Variants in ELP4 observed in about 807,000 individuals in gnomAD.
The protein encoded by ELP4 is elongator acetyltransferase complex subunit 4, also known as elongator complex protein 4.
ELP4 carries 51 observed loss-of-function variants against 48.9 expected under a neutral mutation model. That is an observed-to-expected ratio of 1.04 (90% CI 0.83 to 1.32). The LOEUF is 1.32. Ranked by LOEUF, ELP4 falls within the 40% of genes most tolerant of loss-of-function variation. The pLI, the probability that ELP4 is intolerant of heterozygous loss-of-function variation, is 0.00. For missense variants in ELP4, 519 were observed against 514.6 expected (o/e 1.01, Z -0.08); for synonymous variants, 210 against 189.2 (o/e 1.11, Z -0.90).
intron 9 of ELP4, among the ~76,000 whole-genome samples, chr11:31,783,012 A>G (rs1948414106): frequency 6.6e-6 from 1 of 152,230 alleles, no homozygotes; most frequent in African/African-American, 2.4e-5. Context: ...CTGGCAAAAT[A>G]AAACAAAGCC....
rs564185860 is a variant in ELP4 at position 31,741,362 on chromosome 11, C to T, written c.1144-42031C>T. 2.2e-3 allele frequency among the ~76,000 whole-genome samples: 342 copies of T among 152,312 alleles called. 3 individuals carry two copies. The highest frequency in any genetic ancestry group is 7.4e-3 in the African/African-American group (307 of 41,566). ...AAAAGACAGCAGTAACCTCTGCAGA[C>T]GTAAATGTCCCTGTCTGACAGCTTT... On this transcript the variant is annotated intron_variant, in intron 9 of 9. Coordinates refer to ENST00000640961, the MANE Select transcript of ELP4 (RefSeq NM_019040.5).
At chr11:31,565,064 CCATTCTAA>C (rs1957086529) in intron 3 of ELP4, among the ~76,000 whole-genome samples, 1 of 152,182 alleles carries the variant, frequency 6.6e-6, no homozygotes. Flanking sequence ...TTAATGATCA[CCATTCTAA>C]CTGGTGTGAG....
intron 9 of ELP4, among the ~76,000 whole-genome samples, chr11:31,771,988 A>C (rs899576481): frequency 7.9e-5 from 12 of 152,120 alleles, no homozygotes; most frequent in Non-Finnish European, 1.8e-4. Context: ...TCTCTAAAAA[A>C]AAAAATTAGG....
Position 31,789,628 on chromosome 11 carries a change from G to A in ELP4, c.*6104G>A, listed in dbSNP as rs1188985014. 1 of 689,514 alleles carries A rather than the reference G, an allele frequency of 1.5e-6. No homozygotes were observed. The highest frequency in any genetic ancestry group is 2.7e-5 in the East Asian group (1 of 37,126). The allele number at this position is 689,514 out of a possible 1,614,324, so 42.7% of individuals were successfully genotyped here. On this transcript the variant is annotated 3_prime_UTR_variant, in exon 10 of 10. Coordinates refer to ENST00000640961, the MANE Select transcript of ELP4 (RefSeq NM_019040.5). ...CCAACACAGATCAAACATCCATCCA[G>A]TCTACATTGTTCTTTTTTTCATTAT...
At chr11:31,753,206 A>G (rs1257263938) in intron 9 of ELP4, among the ~76,000 whole-genome samples, 1 of 152,260 alleles carries the variant, frequency 6.6e-6, no homozygotes, top group African/African-American at 2.4e-5. Flanking sequence ...AGAGATCTGC[A>G]TTAGCTTTCC....
intron 9 of ELP4, among the ~76,000 whole-genome samples, chr11:31,678,533 GTGTGTGTGTA>G (rs761323241): frequency 0.062 from 6,167 of 99,012 alleles, 175 homozygotes; most frequent in African/African-American, 0.15. Context: ...GTGTGTGTGT[GTGTGTGTGTA>G]TATGTGCATT....
chr11:31,709,182 T>C (rs1234889501), intron 9 of ELP4, among the ~76,000 whole-genome samples: 16 of 152,162 alleles, frequency 1.1e-4, no homozygotes, highest in Admixed American at 1.0e-3. Context: ...GTATGAGGTT[T>C]ACCCAAAACC....
rs1033923433 is a variant in ELP4, at chr11:31,784,959, A to G, written c.*1435A>G. ...CGCTATTTCATTAGTACTAAAAATC[A>G]GGTTTCTTATTCTATTTTTTTAGAA... On this transcript the variant is annotated 3_prime_UTR_variant, in exon 10 of 10. Coordinates refer to ENST00000640961, the MANE Select transcript of ELP4 (RefSeq NM_019040.5). 4 of 180,434 alleles carry G rather than the reference A, an allele frequency of 2.2e-5. No individual in the cohort carries two copies. Among genetic ancestry groups the G allele is most frequent in the South Asian group, 4.0e-4 (2 of 5,056 alleles). 11.2% of individuals were successfully genotyped at this position (180,434 alleles called of 1,614,324 possible). A position where few individuals can be genotyped will look rare whatever the true frequency, so the allele number is the denominator to read the frequency against.
intron 3 of ELP4, among the ~76,000 whole-genome samples, chr11:31,589,738 G>A (rs1957537703): frequency 6.6e-6 from 1 of 152,118 alleles, no homozygotes; most frequent in African/African-American, 2.4e-5. Flanking sequence ...GTCTCCATCA[G>A]TTTTGACCTT....
At chr11:31,703,805 A>G (rs765268641) in intron 9 of ELP4, among the ~76,000 whole-genome samples, 4 of 152,216 alleles carry the variant, frequency 2.6e-5, no homozygotes, top group Non-Finnish European at 5.9e-5. Context: ...TTTATCTTCT[A>G]GTTAATATGC....
intron 9 of ELP4, chr11:31,681,961 G>A (rs763148551): frequency 2.6e-5 from 19 of 725,906 alleles, no homozygotes; most frequent in Middle Eastern, 3.0e-4. Flanking sequence ...GGCTGGTCTC[G>A]AACTCCTGAC....
intron 9 of ELP4, among the ~76,000 whole-genome samples, chr11:31,754,267 C>T (rs553347393): frequency 6.6e-6 from 1 of 152,230 alleles, no homozygotes; most frequent in South Asian, 2.1e-4. Context: ...GCTACTCCCC[C>T]GCTCAGAACA....
intron 3 of ELP4, among the ~76,000 whole-genome samples, chr11:31,541,967 A>G (rs1956598185): frequency 6.6e-6 from 1 of 152,056 alleles, no homozygotes; most frequent in Admixed American, 6.5e-5. Context: ...GTTAAAAGCA[A>G]AACAGACTCT....
intron 9 of ELP4, among the ~76,000 whole-genome samples, chr11:31,656,646 G>A (rs1400546396): frequency 1.3e-5 from 2 of 151,914 alleles, no homozygotes; most frequent in Non-Finnish European, 2.9e-5. Context: ...ACGAAGCAAA[G>A]TCAAATATTT....
At chr11:31,556,668 G>A (rs966524724) in intron 3 of ELP4, among the ~76,000 whole-genome samples, 1 of 151,816 alleles carries the variant, frequency 6.6e-6, no homozygotes, top group Non-Finnish European at 1.5e-5. Flanking sequence ...ATTTCAGATA[G>A]GTAGTATTCC....
chr11:31,613,164 G>T (rs1226157658), intron 5 of ELP4, among the ~76,000 whole-genome samples: 1 of 152,100 alleles, frequency 6.6e-6, no homozygotes, highest in African/African-American at 2.4e-5. Flanking sequence ...GATCAGGGGT[G>T]GTTACTGGGC....
intron 9 of ELP4, among the ~76,000 whole-genome samples, chr11:31,730,897 G>C (rs1467969301): frequency 1.3e-5 from 2 of 152,048 alleles, no homozygotes; most frequent in Non-Finnish European, 2.9e-5. Context: ...AAAGAGCTGG[G>C]TGATGTCCTG....
intron 1 of ELP4, among the ~76,000 whole-genome samples, chr11:31,516,608 T>G (rs518161): frequency 0.64 from 97,780 of 152,080 alleles, 33,396 homozygotes; most frequent in African/African-American, 0.89. Flanking sequence ...TGATCCTCCT[T>G]CCACAGCTCC....
chr11:31,691,712 C>A (rs1946285866), intron 9 of ELP4, among the ~76,000 whole-genome samples: 1 of 151,994 alleles, frequency 6.6e-6, no homozygotes, highest in Admixed American at 6.6e-5. Flanking sequence ...ACTGAAGTTT[C>A]TTTCTGATTT....
Sources: gnomAD v4.1 joint callset for allele counts (sites outside exome capture counted in the v4.1 genomes callset) on GRCh38, gnomAD v4.1.1 for gene constraint, MANE v1.5 for transcripts, NCBI Gene and HGNC (gene_info 2026-07-23, HGNC 2026-07-21) for gene names.